DOCK2: variants seen among roughly 807,000 people sequenced by gnomAD.
DOCK2 encodes the protein dedicator of cytokinesis 2.
Under a neutral mutation model 248.9 loss-of-function variants are expected in DOCK2, and 87 were observed. That is an observed-to-expected ratio of 0.35 (90% CI 0.29 to 0.42). The LOEUF (loss-of-function observed/expected upper bound fraction) is 0.42, where lower values mean the gene tolerates loss of function less well. Among genes scored for constraint, DOCK2 ranks in the 10% least tolerant of loss-of-function variants. The probability of loss-of-function intolerance (pLI) is 1.00; values close to 1 mark genes in which losing one functional copy is unlikely to be tolerated. For missense variants in DOCK2, 1,747 were observed against 2,300.2 expected (o/e 0.76, Z 4.92); for synonymous variants, 805 against 821.6 (o/e 0.98, Z 0.35).
At chr5:169,994,387 A>G (rs756527411) in intron 29 of DOCK2, among the ~76,000 whole-genome samples, 2 of 152,190 alleles carry the variant, frequency 1.3e-5, no homozygotes, top group Non-Finnish European at 2.9e-5. Flanking sequence ...GGGGGTTGCA[A>G]TGAGGATCCC....
At chr5:169,686,373 G>T (rs947299172) in intron 8 of DOCK2, among the ~76,000 whole-genome samples, 3 of 152,230 alleles carry the variant, frequency 2.0e-5, no homozygotes, top group Non-Finnish European at 4.4e-5. Flanking sequence ...GGTGGCAGCT[G>T]TGCTCCCTGC....
chr5:170,055,364 C>T lies in DOCK2; in HGVS notation c.4273C>T (p.Pro1425Ser). The change falls in exon 42 of 52, where the codon CCA becomes TCA. Residue 1425 changes from proline to serine, a missense_variant. Transcript: ENST00000520908. ...LDEHPRFKNK[P>S]VPDQIINFYK... is the part of the protein sequence containing the mutation. ...TGAACATCCCAGGTTCAAGAATAAG[C>T]CAGTGCCTGACCAGATTATAAAGTA... 6.2e-7 allele frequency: 1 copy of T among 1,614,048 alleles called. No individual in the cohort carries two copies. The highest frequency in any genetic ancestry group is 8.5e-7 in the Non-Finnish European group (1 of 1,179,906).
chr5:169,793,294 C>G (rs1165184970), intron 25 of DOCK2, among the ~76,000 whole-genome samples: 1 of 152,176 alleles, frequency 6.6e-6, no homozygotes, highest in Non-Finnish European at 1.5e-5. Context: ...CATCGACTTC[C>G]CTCTGTACTT....
At chr5:170,064,837 A>G (rs1351119156) in intron 44 of DOCK2, among the ~76,000 whole-genome samples, 1 of 152,206 alleles carries the variant, frequency 6.6e-6, no homozygotes, top group African/African-American at 2.4e-5. Context: ...GTTAAGCACC[A>G]TTAGACCTGC....
intron 27 of DOCK2, among the ~76,000 whole-genome samples, chr5:169,975,512 C>A (rs1315402253): frequency 1.3e-5 from 2 of 152,186 alleles, no homozygotes; most frequent in Non-Finnish European, 2.9e-5. Context: ...TTCCACCACA[C>A]TGAACTTCTT....
intron 26 of DOCK2, among the ~76,000 whole-genome samples, chr5:169,824,713 G>A (rs560334905): frequency 9.8e-5 from 15 of 152,312 alleles, no homozygotes; most frequent in African/African-American, 3.4e-4. Flanking sequence ...ATAGGCATGG[G>A]CGAAGACTTC....
chr5:169,669,903 C>T (rs137985744), intron 3 of DOCK2, among the ~76,000 whole-genome samples: 1 of 152,156 alleles, frequency 6.6e-6, no homozygotes, highest in East Asian at 1.9e-4. Flanking sequence ...ATAAACTTAC[C>T]TTGTTAACTG....
At chr5:170,048,386 C>A (rs1471488589) in intron 40 of DOCK2, among the ~76,000 whole-genome samples, 2 of 152,082 alleles carry the variant, frequency 1.3e-5, no homozygotes, top group African/African-American at 2.4e-5. Context: ...CAAAGAGAGA[C>A]CCTGTCTCAA....
intron 27 of DOCK2, among the ~76,000 whole-genome samples, chr5:169,937,937 C>A (rs1172050434): frequency 6.6e-6 from 1 of 152,208 alleles, no homozygotes; most frequent in African/African-American, 2.4e-5. Flanking sequence ...CCTCTCCAGG[C>A]CTTTGCAGTG....
intron 9 of DOCK2, among the ~76,000 whole-genome samples, chr5:169,689,603 A>C (rs191968797): frequency 6.6e-6 from 1 of 152,304 alleles, no homozygotes; most frequent in Admixed American, 6.5e-5. Context: ...CTACATAAAC[A>C]AGCACCAACT....
At chr5:169,648,687 C>T (rs535480793) in intron 1 of DOCK2, among the ~76,000 whole-genome samples, 16 of 152,148 alleles carry the variant, frequency 1.1e-4, no homozygotes, top group Non-Finnish European at 1.0e-4. Flanking sequence ...CCTCAGTTTC[C>T]TCATCTGTAA....
At chr5:169,733,309 C>G (rs1404148269) in intron 22 of DOCK2, among the ~76,000 whole-genome samples, 2 of 151,346 alleles carry the variant, frequency 1.3e-5, no homozygotes, top group East Asian at 3.9e-4. Flanking sequence ...TAACATTTCC[C>G]TGAGTAATAA....
chr5:169,891,245 G>A (rs1195620807), intron 27 of DOCK2, among the ~76,000 whole-genome samples: 2 of 152,088 alleles, frequency 1.3e-5, no homozygotes, highest in African/African-American at 4.8e-5. Context: ...GACACTCCCT[G>A]ACCCCCTCTC....
chr5:170,076,533 G>T lies in DOCK2; in HGVS notation c.4866+449G>T, dbSNP rs182112160. ...GGCAAATGAATGTGGGGCAGAATTT[G>T]CATCTGGCTCTGTTAGTTTAAGGCC... On this transcript the variant is annotated intron_variant, in intron 47 of 51. Coordinates refer to ENST00000520908, the MANE Select transcript of DOCK2 (RefSeq NM_004946.3). Among the ~76,000 whole-genome samples the T allele has an allele frequency of 2.6e-5, 4 of 152,356 alleles. No individual in the cohort carries two copies. In the East Asian group the frequency reaches 7.7e-4, roughly 29 times the overall value.
At chr5:169,690,710 C>T (rs1393618093) in intron 9 of DOCK2, among the ~76,000 whole-genome samples, 8 of 152,130 alleles carry the variant, frequency 5.3e-5, no homozygotes, top group African/African-American at 1.4e-4. Flanking sequence ...GGGAGAAGAA[C>T]GGGGAATCAA....
chr5:169,672,622 G>T (rs985194332), intron 5 of DOCK2, among the ~76,000 whole-genome samples: 1 of 152,050 alleles, frequency 6.6e-6, no homozygotes, highest in African/African-American at 2.4e-5. Flanking sequence ...GTTCAACGCT[G>T]ACTACCCAGG....
At chr5:169,728,462 G>T (rs1012075541) in intron 22 of DOCK2, among the ~76,000 whole-genome samples, 1 of 152,138 alleles carries the variant, frequency 6.6e-6, no homozygotes, top group Non-Finnish European at 1.5e-5. Context: ...CTGGATTAGG[G>T]ACATAGGATA....
At chr5:169,976,121 A>C (rs975001387) in intron 27 of DOCK2, among the ~76,000 whole-genome samples, 1 of 152,210 alleles carries the variant, frequency 6.6e-6, no homozygotes, top group African/African-American at 2.4e-5. Flanking sequence ...AATAAATTCA[A>C]TCTCCCATCT....
intron 27 of DOCK2, among the ~76,000 whole-genome samples, chr5:169,853,344 T>G (rs911894593): frequency 1.3e-5 from 2 of 152,224 alleles, no homozygotes; most frequent in African/African-American, 4.8e-5. Context: ...GAAATAGGCT[T>G]TCTCACAAAT....
Sources: allele counts gnomAD v4.1 joint callset (sites outside exome capture counted in the v4.1 genomes callset), GRCh38; gene constraint gnomAD v4.1.1; transcripts MANE v1.5; gene names NCBI Gene and HGNC (gene_info 2026-07-23, HGNC 2026-07-21).